The following SOS1 variants were observed in gnomAD, a reference collection of about 807,000 sequenced individuals.
SOS1 encodes son of sevenless homolog 1.
In SOS1, 25 loss-of-function variants were observed where a neutral mutation model predicts 157.6. That is an observed-to-expected ratio of 0.16 (90% CI 0.12 to 0.22). The LOEUF (loss-of-function observed/expected upper bound fraction) is 0.22, where lower values mean the gene tolerates loss of function less well. Among genes scored for constraint, SOS1 ranks in the 10% least tolerant of loss-of-function variants. The pLI is 1.00. For synonymous variants in SOS1, 528 were observed against 534.0 expected, an observed-to-expected ratio of 0.99 and a Z score of 0.16; for missense variants, 1,237 against 1,599.1, an observed-to-expected ratio of 0.77 and a Z score of 3.86.
chr2:39,010,463 C>A (rs1669429636), intron 15 of SOS1, 121 bp downstream of exon 15: 2 of 856,566 alleles, frequency 2.3e-6, no homozygotes, highest in Non-Finnish European at 3.8e-6. Context: ...CGATGTGCCA[C>A]TGCACTCCAG....
rs189351093 is a variant in SOS1, at chr2:39,076,330, G to T, written c.88-8577C>A. ...TGGGAGAATTGCTTCAGCCCAGGAG[G>T]TGGAGGTTGCAGTAAGCCAAGATCA... On this transcript the variant is annotated intron_variant, in intron 1 of 22. Transcript: ENST00000402219. Among the ~76,000 whole-genome samples, 407 of 152,144 alleles carry T rather than the reference G, an allele frequency of 2.7e-3. 3 individuals carry two copies. The highest frequency in any genetic ancestry group is 9.4e-3 in the African/African-American group (390 of 41,512).
At chr2:39,086,441 C>T (rs915225930) in intron 1 of SOS1, among the ~76,000 whole-genome samples, 1 of 152,132 alleles carries the variant, frequency 6.6e-6, no homozygotes, top group Admixed American at 6.5e-5. Context: ...TTCTGGACTC[C>T]ATTATGCTTG....
intron 1 of SOS1, among the ~76,000 whole-genome samples, chr2:39,081,464 G>A (rs1006549236): frequency 1.4e-5 from 2 of 147,784 alleles, no homozygotes; most frequent in African/African-American, 5.0e-5. Flanking sequence ...AGGTTGCAGT[G>A]AGCCGAGATC....
intron 1 of SOS1, among the ~76,000 whole-genome samples, chr2:39,114,303 T>A (rs940296613): frequency 6.6e-6 from 1 of 151,220 alleles, no homozygotes; most frequent in Non-Finnish European, 1.5e-5. Context: ...CTTTTCTTTT[T>A]TTTTTTTCTT....
Position 39,054,794 on chromosome 2 carries a change from T to C in SOS1, c.540A>G (p.Val180=), listed in dbSNP as rs1671148614. 3.3e-6 allele frequency: 5 copies of C among 1,534,732 alleles called. No homozygotes were observed. Among genetic ancestry groups the C allele is most frequent in the Middle Eastern group, 1.7e-4 (1 of 5,826 alleles). ...TTAAAGATAATATATTAATATCTTC[T>C]ACATCTTGATGAAACATATCCATCA... is the stretch of plus-strand genomic sequence containing the variant. ...KVLMDMFHQD[V]EDINILSLTD... is the part of the protein sequence containing the mutation. Residue 180 remains valine, a synonymous_variant, in exon 5 of 23, where the codon GTA becomes GTG. Transcript: ENST00000402219.
At chr2:39,050,584 C>G (rs924582202) in intron 6 of SOS1, among the ~76,000 whole-genome samples, 2 of 152,152 alleles carry the variant, frequency 1.3e-5, no homozygotes, top group Non-Finnish European at 2.9e-5. Context: ...CACCCCAAGT[C>G]TGAAAATCCC....
rs566014905 is a variant in SOS1, at chr2:39,052,081, C to G, written c.721-794G>C. On this transcript the variant is annotated intron_variant, in intron 5 of 22. Coordinates refer to ENST00000402219, the MANE Select transcript of SOS1 (RefSeq NM_005633.4). ...AGTCACTCTCCATTCCTTTCCTCTC[C>G]CCAGTGCCTGACAACCACTAATCTA... Among the ~76,000 whole-genome samples, 10 of 152,258 alleles carry G rather than the reference C, an allele frequency of 6.6e-5. No homozygotes were observed. The East Asian group carries it at 1.9e-3, about 29-fold the overall frequency.
At chr2:39,109,150 G>A (rs1187648171) in intron 1 of SOS1, among the ~76,000 whole-genome samples, 1 of 152,208 alleles carries the variant, frequency 6.6e-6, no homozygotes, top group African/African-American at 2.4e-5. Flanking sequence ...AGTAAGCCAT[G>A]ATCGCACTAC....
At chr2:39,110,755 TAA>T (rs937308118) in intron 1 of SOS1, among the ~76,000 whole-genome samples, 1 of 150,814 alleles carries the variant, frequency 6.6e-6, no homozygotes, top group South Asian at 2.1e-4. Flanking sequence ...TTCTTAGATA[TAA>T]GAGAGCAATA....
chr2:39,019,542 C>T (rs2888585), intron 10 of SOS1, among the ~76,000 whole-genome samples: 141,495 of 151,662 alleles, frequency 0.93, 66,130 homozygotes, highest in African/African-American at 0.97. Flanking sequence ...CTGATATAGT[C>T]AGCAAATTAT....
At chr2:39,103,444 A>G (rs189190418) in intron 1 of SOS1, among the ~76,000 whole-genome samples, 1 of 152,328 alleles carries the variant, frequency 6.6e-6, no homozygotes, top group East Asian at 1.9e-4. Context: ...GTACTGAAAA[A>G]GCATAGACAT....
At position 38,986,113 on chromosome 2, in the gene SOS1, A is replaced by G. The variant is rs766366434; in HGVS notation, c.3713T>C (p.Leu1238Ser). The part of the protein sequence containing the change: ...SSPLHLQPPP[L>S]GKKSDHGNAF... ...ATTGCCATGGTCACTTTTTTTGCCCAAAGGGGGAGGTTGGAGATGTAGTGG... is the reference window on the plus strand; with the variant it reads ...ATTGCCATGGTCACTTTTTTTGCCCGAAGGGGGAGGTTGGAGATGTAGTGG... The change falls in exon 23 of 23, where the codon TTG (leucine) becomes TCG (serine). Residue 1238 changes from leucine (L) to serine (S), a missense_variant. By Grantham distance (145) the Leu-to-Ser change is moderately radical. This residue lies in a region of SOS1 where 306 missense variants were observed against 322.6 expected (regional missense o/e 0.95). Coordinates refer to ENST00000402219, the MANE Select transcript of SOS1 (RefSeq NM_005633.4). The G allele has an allele frequency of 3.7e-6, 6 of 1,613,630 alleles. No individual in the cohort carries two copies. The South Asian group carries it at 5.5e-5, about 15-fold the overall frequency.
In SOS1 at chr2:39,035,307, T is replaced by C. The variant is rs758546951; in HGVS notation, c.979A>G (p.Ile327Val). 20 of 1,613,360 alleles carry C rather than the reference T, an allele frequency of 1.2e-5. No homozygotes were observed. Among genetic ancestry groups the C allele is most frequent in the East Asian group, 4.5e-5 (2 of 44,868 alleles). Residue 327 changes from isoleucine to valine, a missense_variant, in exon 8 of 23, where the codon ATA (isoleucine) becomes GTA (valine). By Grantham distance (29) the Ile-to-Val change is conservative. Around this residue, in one of 15 missense-constraint regions of SOS1, gnomAD observed 101 missense variants for 171.5 expected, o/e 0.59. Coordinates refer to ENST00000402219, the MANE Select transcript of SOS1 (RefSeq NM_005633.4). ...KPGAALYLQS[I>V]GEGFKEAVQY... Reference sequence around the variant, plus strand: ...ACAGCTTCTTTGAAACCTTCGCCTATTGACTGGAAAAAAAAGTGATTTAAT... The same window carrying C: ...ACAGCTTCTTTGAAACCTTCGCCTACTGACTGGAAAAAAAAGTGATTTAAT...
rs572544851 is a variant in SOS1 at position 39,042,633 on chromosome 2, G to A, written c.865-7133C>T. ...TTGGCCAGACTGGTCTCAAACTCCT[G>A]ACCTTGTGATCCGCCCGCCTCAGCC... On this transcript the variant is annotated intron_variant, in intron 6 of 22. Transcript: ENST00000402219. Among the ~76,000 whole-genome samples the A allele has an allele frequency of 1.6e-4, 24 of 151,444 alleles. No individual in the cohort carries two copies. In the South Asian group the frequency reaches 4.8e-3, roughly 30 times the overall value.
At position 38,981,889 on chromosome 2, in the gene SOS1, C is replaced by T. The variant is rs1306829983; in HGVS notation, c.*3935G>A. On this transcript the variant is annotated 3_prime_UTR_variant, in exon 23 of 23. Transcript: ENST00000402219. ...CAAACAAATTCTCTGGTGGTTTCAC[C>T]AGATATTTGCACCCCAAAGTTCCCT... The T allele has an allele frequency of 1.3e-5, 2 of 152,144 alleles. No individual in the cohort carries two copies. Among genetic ancestry groups the T allele is most frequent in the African/African-American group, 4.8e-5 (2 of 41,444 alleles). The allele number at this position is 152,144 out of a possible 1,614,324, so 9.4% of individuals were successfully genotyped here. A position where few individuals can be genotyped will look rare whatever the true frequency, so the allele number is the denominator to read the frequency against.
chr2:39,055,277 C>T (rs1193554407), intron 4 of SOS1, among the ~76,000 whole-genome samples: 1 of 152,184 alleles, frequency 6.6e-6, no homozygotes, highest in Non-Finnish European at 1.5e-5. Flanking sequence ...AAGAAGTCTA[C>T]TGTTACTACT....
At chr2:39,086,502 T>C (rs2148179793) in intron 1 of SOS1, among the ~76,000 whole-genome samples, 2 of 152,300 alleles carry the variant, frequency 1.3e-5, no homozygotes. Context: ...ATATTAGATA[T>C]TGGTAAGCAA....
chr2:39,096,545 A>G (rs1229889760), intron 1 of SOS1, among the ~76,000 whole-genome samples: 5 of 152,196 alleles, frequency 3.3e-5, no homozygotes, highest in African/African-American at 1.2e-4. Context: ...CTTATTTATT[A>G]CCTAATAAAA....
chr2:39,077,233 C>G (rs914540453), intron 1 of SOS1, among the ~76,000 whole-genome samples: 5 of 151,338 alleles, frequency 3.3e-5, no homozygotes, highest in African/African-American at 1.2e-4. Context: ...ATCTTAGCTA[C>G]TTGGGAGGCT....
Sources: allele counts gnomAD v4.1 joint callset (sites outside exome capture counted in the v4.1 genomes callset), GRCh38; gene constraint gnomAD v4.1.1; regional missense constraint gnomAD v4.1.1; transcripts MANE v1.5; gene names NCBI Gene and HGNC (gene_info 2026-07-23, HGNC 2026-07-21).